The following SLIT1 variants were observed in gnomAD, a reference collection of about 807,000 sequenced individuals.
SLIT1 encodes the protein slit guidance ligand 1.
A neutral mutation model predicts 186.1 loss-of-function variants in SLIT1; 66 were observed. The ratio of observed to expected loss-of-function variants is 0.35; its 90% CI spans 0.29 to 0.44. SLIT1 has a LOEUF of 0.44. Among genes scored for constraint, SLIT1 ranks in the 20% least tolerant of loss-of-function variants. The pLI, the probability that SLIT1 is intolerant of heterozygous loss-of-function variation, is 1.00. For synonymous variants in SLIT1, 761 were observed against 833.8 expected (o/e 0.91, Z 1.50); for missense variants, 1,638 against 2,037.4 (o/e 0.80, Z 3.77).
Position 97,051,952 on chromosome 10 carries a change from G to A in SLIT1, c.1302-2834C>T, listed in dbSNP as rs188200221. ...ACCTGGAATGGACAAGCAAATTGTG[G>A]TCTATTTACACAATGGAAAAATTAT... On this transcript the variant is annotated intron_variant, in intron 13 of 36. Transcript: ENST00000266058. Among the ~76,000 whole-genome samples the A allele has an allele frequency of 1.4e-3, 209 of 152,182 alleles. 1 individual carries two copies. The highest frequency in any genetic ancestry group is 4.7e-3 in the African/African-American group (196 of 41,516).
chr10:97,172,065 C>G (rs894739148), intron 1 of SLIT1, among the ~76,000 whole-genome samples: 1 of 151,302 alleles, frequency 6.6e-6, no homozygotes, highest in African/African-American at 2.4e-5. Flanking sequence ...TTTTTCGAGC[C>G]AGTGTCTTGC....
intron 4 of SLIT1, among the ~76,000 whole-genome samples, chr10:97,095,908 G>A (rs1214224894): frequency 6.6e-6 from 1 of 152,156 alleles, no homozygotes; most frequent in Non-Finnish European, 1.5e-5. Flanking sequence ...TTGTTCAGAT[G>A]GGCAGGTCTG....
rs531575356 is a variant in SLIT1, at chr10:97,182,505, C to T, written c.197+2973G>A. On this transcript the variant is annotated intron_variant, in intron 1 of 36. Transcript: ENST00000266058. ...AGGCCTCTTTCAAGATGTTCTTTTC[C>T]TCTTTGAGCAGCTCTTTCACGGGCT... 1.4e-3 allele frequency among the ~76,000 whole-genome samples: 210 copies of T among 152,320 alleles called. 1 individual carries two copies. The highest frequency in any genetic ancestry group is 4.9e-3 in the African/African-American group (203 of 41,576).
intron 1 of SLIT1, among the ~76,000 whole-genome samples, chr10:97,166,313 G>A (rs542641368): frequency 1.1e-4 from 16 of 151,786 alleles, no homozygotes; most frequent in Admixed American, 2.6e-4. Context: ...TCAGGAGTTC[G>A]AGACCAGCCT....
intron 4 of SLIT1, among the ~76,000 whole-genome samples, chr10:97,146,204 G>A (rs763411319): frequency 6.6e-6 from 1 of 152,192 alleles, no homozygotes; most frequent in Non-Finnish European, 1.5e-5. Context: ...ACTGCAAAGA[G>A]CTTGAGGAAC....
At chr10:97,034,006 A>G (rs12251272) in intron 23 of SLIT1, among the ~76,000 whole-genome samples, 31,302 of 151,904 alleles carry the variant, frequency 0.21, 3,695 homozygotes, top group African/African-American at 0.31. Context: ...GTGGGACTAC[A>G]GGCACCCGCC....
chr10:97,063,338 G>A, intron 8 of SLIT1, 117 bp downstream of exon 8: 1 of 1,111,326 alleles, frequency 9.0e-7, no homozygotes, highest in East Asian at 2.4e-5. Context: ...GCCAGGTGAT[G>A]GGCGGGGTCA....
chr10:97,106,883 G>A (rs1285405476), intron 4 of SLIT1, among the ~76,000 whole-genome samples: 1 of 152,236 alleles, frequency 6.6e-6, no homozygotes, highest in African/African-American at 2.4e-5. Flanking sequence ...TGCTCTTTGG[G>A]AGAGAAATGC....
chr10:97,178,765 C>T (rs150829959), intron 1 of SLIT1, among the ~76,000 whole-genome samples: 127 of 142,198 alleles, frequency 8.9e-4, no homozygotes, highest in Non-Finnish European at 1.6e-3. Context: ...TGAGTGTGTG[C>T]GATAGAGAGA....
chr10:97,005,655 T>C (rs1436376376), intron 32 of SLIT1, among the ~76,000 whole-genome samples: 1 of 152,204 alleles, frequency 6.6e-6, no homozygotes, highest in Non-Finnish European at 1.5e-5. Flanking sequence ...CCCGAGGCAA[T>C]GGCTGGTTAG....
In SLIT1 at chr10:97,125,533, C is replaced by A. The variant is rs867554417; in HGVS notation, c.413+32285G>T. On this transcript the variant is annotated intron_variant, in intron 4 of 36. Coordinates refer to ENST00000266058, the MANE Select transcript of SLIT1 (RefSeq NM_003061.3). ...TGGGTGACAAAGCGAGACCCTGTGT[C>A]AAAAAAAAAAAAAAAAAAAAGTAGG... Among the ~76,000 whole-genome samples the A allele has an allele frequency of 3.9e-3, 454 of 115,428 alleles. 2 individuals carry two copies. The highest frequency in any genetic ancestry group is 9.2e-3 in the African/African-American group (263 of 28,638). The allele number at this position is 115,428 out of a possible 152,430, so 75.7% of individuals were successfully genotyped here. A position where few individuals can be genotyped will look rare whatever the true frequency, so the allele number is the denominator to read the frequency against.
At chr10:97,036,764 G>A (rs1229733504) in intron 22 of SLIT1, among the ~76,000 whole-genome samples, 3 of 152,198 alleles carry the variant, frequency 2.0e-5, no homozygotes, top group Admixed American at 6.5e-5. Context: ...CCAAGGAGCA[G>A]ATAAAGACAA....
intron 4 of SLIT1, among the ~76,000 whole-genome samples, chr10:97,124,392 G>C (rs1033323086): frequency 6.6e-6 from 1 of 152,188 alleles, no homozygotes. Flanking sequence ...TCCTCAGCAC[G>C]GTAGCTGCCC....
intron 13 of SLIT1, among the ~76,000 whole-genome samples, chr10:97,054,518 T>C (rs1238416561): frequency 6.6e-6 from 1 of 152,208 alleles, no homozygotes; most frequent in South Asian, 2.1e-4. Context: ...AATGAATTAA[T>C]GGGTTCAAGC....
intron 4 of SLIT1, among the ~76,000 whole-genome samples, chr10:97,134,074 C>T (rs540394644): frequency 1.3e-5 from 2 of 152,198 alleles, no homozygotes; most frequent in Admixed American, 6.5e-5. Flanking sequence ...CACCTCCCAG[C>T]GGGCAGCCCT....
intron 31 of SLIT1, among the ~76,000 whole-genome samples, chr10:97,007,007 G>A (rs1233047967): frequency 6.6e-6 from 1 of 152,174 alleles, no homozygotes; most frequent in Non-Finnish European, 1.5e-5. Context: ...TACTGACAAT[G>A]TCAATAACTC....
intron 4 of SLIT1, among the ~76,000 whole-genome samples, chr10:97,078,325 C>T (rs11595432): frequency 8.7e-4 from 133 of 152,180 alleles, no homozygotes; most frequent in South Asian, 4.2e-3. Flanking sequence ...CTGCCCACCG[C>T]GAAGCCACAA....
Position 97,004,245 on chromosome 10 carries a change from G to A in SLIT1, c.3711-23C>T, listed in dbSNP as rs372376472. ...GCACTGGAGGAAGAGGGGGTTCCCC[G>A]TTCCAGGGAGTGGGCATCAGTCTGG... On this transcript the variant is annotated intron_variant, in intron 33 of 36. Coordinates refer to ENST00000266058, the MANE Select transcript of SLIT1 (RefSeq NM_003061.3). This position sits in a 1 kb window ranked among gnomAD's most constrained non-coding sequence, Gnocchi z 5.1. 3.4e-5 allele frequency: 54 copies of A among 1,590,352 alleles called. No individual in the cohort carries two copies. The highest frequency in any genetic ancestry group is 6.8e-5 in the East Asian group (3 of 44,298).
Position 97,184,805 on chromosome 10 carries a change from C to A in SLIT1, c.197+673G>T, listed in dbSNP as rs912155786. Among the ~76,000 whole-genome samples the A allele has an allele frequency of 6.6e-6, 1 of 152,196 alleles. No individual in the cohort carries two copies. Among genetic ancestry groups the A allele is most frequent in the African/African-American group, 2.4e-5 (1 of 41,452 alleles). ...CATCCAAGACACACCTGCCCCTTTT[C>A]GGGTGCTGAATGTTACATACCCCAA... On this transcript the variant is annotated intron_variant, in intron 1 of 36. Transcript: ENST00000266058. This position sits in a 1 kb window ranked among gnomAD's most constrained non-coding sequence, Gnocchi z 4.4.
Sources: gnomAD v4.1 joint callset for allele counts (sites outside exome capture counted in the v4.1 genomes callset) on GRCh38, gnomAD v4.1.1 for gene constraint, Gnocchi (gnomAD v3.1) non-coding constraint, MANE v1.5 for transcripts, NCBI Gene and HGNC (gene_info 2026-07-23, HGNC 2026-07-21) for gene names.